The following DPYD variants were observed in gnomAD, a reference collection of about 807,000 sequenced individuals.
DPYD encodes the protein dihydropyrimidine dehydrogenase [NADP(+)].
A neutral mutation model predicts 116.2 loss-of-function variants in DPYD; 109 were observed. That is an observed-to-expected ratio of 0.94 (90% confidence interval 0.80 to 1.10). DPYD has a LOEUF of 1.10. Among genes scored for constraint, DPYD ranks in the 50% least tolerant of loss-of-function variants. DPYD has a pLI of 0.00. For synonymous variants in DPYD, 440 were observed against 432.0 expected (o/e 1.02, Z -0.23); for missense variants, 1,302 against 1,254.5 (o/e 1.04, Z -0.57).
At position 97,323,427 on chromosome 1, in the gene DPYD, TATGTGTATATGTACACGTATATACATATC is replaced by T. The variant is rs1668470894; in HGVS notation, c.2059-17159_2059-17131del. Among the ~76,000 whole-genome samples, 18 of 130,444 alleles carry T rather than the reference TATGTGTATATGTACACGTATATACATATC, an allele frequency of 1.4e-4. No homozygotes were observed. In the South Asian group the frequency reaches 3.1e-3, roughly 22 times the overall value. The allele number at this position is 130,444 out of a possible 152,430, so 85.6% of individuals were successfully genotyped here. A position where few individuals can be genotyped will look rare whatever the true frequency, so the allele number is the denominator to read the frequency against. On this transcript the variant is annotated intron_variant, in intron 16 of 22. Coordinates refer to ENST00000370192, the MANE Select transcript of DPYD (RefSeq NM_000110.4). ...GTGTATATGTACACGTATATATACATATGTGTATATGTACACGTATATACATATCATATATACATATATGTGTATATATA... is the reference window on the plus strand; with the variant it reads ...GTGTATATGTACACGTATATATACATATATATACATATATGTGTATATATA...
chr1:97,694,733 G>A (rs1661203966), intron 6 of DPYD, among the ~76,000 whole-genome samples: 1 of 152,044 alleles, frequency 6.6e-6, no homozygotes, highest in Non-Finnish European at 1.5e-5. Flanking sequence ...GTTCTTTTTA[G>A]ACAATTTAAA....
intron 2 of DPYD, among the ~76,000 whole-genome samples, chr1:97,830,640 G>A (rs1024814115): frequency 1.3e-5 from 2 of 151,994 alleles, no homozygotes; most frequent in East Asian, 3.9e-4. Context: ...AACCTGGGAG[G>A]TGGAGGCTGC....
At chr1:97,516,723 A>G (rs932121451) in intron 12 of DPYD, among the ~76,000 whole-genome samples, 5 of 152,068 alleles carry the variant, frequency 3.3e-5, no homozygotes, top group African/African-American at 9.7e-5. Context: ...ACACTGAAAC[A>G]TCATACATAG....
intron 14 of DPYD, among the ~76,000 whole-genome samples, chr1:97,414,785 C>T (rs2101678457): frequency 6.6e-6 from 1 of 152,306 alleles, no homozygotes; most frequent in Non-Finnish European, 1.5e-5. Flanking sequence ...GGCGTCCTAG[C>T]AGTAAGCAGT....
intron 20 of DPYD, among the ~76,000 whole-genome samples, chr1:97,116,055 T>C (rs1303122613): frequency 6.6e-6 from 1 of 152,210 alleles, no homozygotes; most frequent in Non-Finnish European, 1.5e-5. Context: ...ATTAAAACTA[T>C]AATGTTAGCT....
At chr1:97,262,147 A>G (rs1292275582) in intron 18 of DPYD, among the ~76,000 whole-genome samples, 2 of 151,996 alleles carry the variant, frequency 1.3e-5, no homozygotes, top group Non-Finnish European at 2.9e-5. Context: ...CACCTGCCTC[A>G]TCTTTTAATG....
intron 8 of DPYD, among the ~76,000 whole-genome samples, chr1:97,615,328 A>T (rs1377484503): frequency 6.6e-6 from 1 of 152,132 alleles, no homozygotes; most frequent in Non-Finnish European, 1.5e-5. Flanking sequence ...TTGATTCAAA[A>T]TATATTCATA....
intron 8 of DPYD, among the ~76,000 whole-genome samples, chr1:97,654,759 G>A (rs541492198): frequency 2.2e-4 from 33 of 152,230 alleles, no homozygotes; most frequent in Admixed American, 8.5e-4. Context: ...GTATTAGTCT[G>A]CTTTCATGCT....
At chr1:97,435,534 T>C (rs1675423199) in intron 14 of DPYD, among the ~76,000 whole-genome samples, 1 of 151,982 alleles carries the variant, frequency 6.6e-6, no homozygotes. Flanking sequence ...CTCTTTTTAA[T>C]TGATTTACAA....
intron 11 of DPYD, among the ~76,000 whole-genome samples, chr1:97,567,858 T>A (rs927783416): frequency 5.7e-5 from 7 of 123,160 alleles, no homozygotes; most frequent in Admixed American, 9.6e-5. Context: ...TTTGCAGAAA[T>A]TCAAAATGGA....
At chr1:97,735,184 A>G (rs1663852990) in intron 4 of DPYD, among the ~76,000 whole-genome samples, 1 of 152,272 alleles carries the variant, frequency 6.6e-6, no homozygotes, top group Non-Finnish European at 1.5e-5. Flanking sequence ...CATGCTTCAC[A>G]GTTCTCAGAG....
At chr1:97,859,149 T>C (rs531163045) in intron 2 of DPYD, among the ~76,000 whole-genome samples, 1 of 152,286 alleles carries the variant, frequency 6.6e-6, no homozygotes, top group South Asian at 2.1e-4. Flanking sequence ...TCTGTCTGTT[T>C]GCCTATTACA....
At chr1:97,753,122 A>G (rs1395954959) in intron 3 of DPYD, among the ~76,000 whole-genome samples, 1 of 152,116 alleles carries the variant, frequency 6.6e-6, no homozygotes, top group Admixed American at 6.6e-5. Flanking sequence ...ATAAATGTTA[A>G]CTCATTTAAT....
intron 8 of DPYD, among the ~76,000 whole-genome samples, chr1:97,631,880 C>A (rs544562086): frequency 3.3e-5 from 5 of 151,844 alleles, no homozygotes; most frequent in African/African-American, 9.7e-5. Flanking sequence ...TTATGGATGA[C>A]ACAGTTATAG....
chr1:97,539,266 A>T (rs990117962), intron 12 of DPYD, among the ~76,000 whole-genome samples: 1 of 150,372 alleles, frequency 6.7e-6, no homozygotes, highest in East Asian at 1.9e-4. Flanking sequence ...AATTTTTTTT[A>T]AATTTAATGC....
intron 1 of DPYD, among the ~76,000 whole-genome samples, chr1:97,899,138 G>T (rs1408960149): frequency 6.6e-6 from 1 of 151,224 alleles, no homozygotes; most frequent in Non-Finnish European, 1.5e-5. Context: ...GGGCCACGTT[G>T]TAACAGTTGG....
chr1:97,119,165 T>C (rs1388527134), intron 20 of DPYD, among the ~76,000 whole-genome samples: 5 of 152,190 alleles, frequency 3.3e-5, no homozygotes, highest in African/African-American at 1.2e-4. Flanking sequence ...AAAAAAGCCA[T>C]ATGGCAGTGC....
chr1:97,413,623 C>T (rs1674133836), intron 14 of DPYD, among the ~76,000 whole-genome samples: 1 of 152,050 alleles, frequency 6.6e-6, no homozygotes, highest in Non-Finnish European at 1.5e-5. Flanking sequence ...CAGGCCCATG[C>T]CACCACACCT....
At chr1:97,128,922 C>CA (rs1420052053) in intron 20 of DPYD, among the ~76,000 whole-genome samples, 4 of 151,756 alleles carry the variant, frequency 2.6e-5, no homozygotes, top group Admixed American at 2.0e-4. Flanking sequence ...GGAGGAGTGA[C>CA]AAAAAATACC....
Sources: allele counts gnomAD v4.1 joint callset (sites outside exome capture counted in the v4.1 genomes callset), GRCh38; gene constraint gnomAD v4.1.1; transcripts MANE v1.5; gene names NCBI Gene and HGNC (gene_info 2026-07-23, HGNC 2026-07-21).